Variants in NEK11 observed in about 807,000 individuals in gnomAD.
The protein encoded by NEK11 is serine/threonine-protein kinase Nek11.
NEK11 carries 72 observed loss-of-function variants against 80.7 expected under a neutral mutation model. The ratio of observed to expected loss-of-function variants is 0.89; its 90% CI spans 0.74 to 1.08. The LOEUF is 1.08. NEK11 is among the 50% of genes least tolerant of loss of function. The probability of loss-of-function intolerance (pLI) is 0.00; values close to 1 mark genes in which losing one functional copy is unlikely to be tolerated. For synonymous variants in NEK11, 251 were observed against 260.7 expected, an observed-to-expected ratio of 0.96 and a Z score of 0.36; for missense variants, 764 against 763.6, an observed-to-expected ratio of 1.00 and a Z score of -0.01.
chr3:131,138,559 T>G (rs537157583), intron 7 of NEK11, among the ~76,000 whole-genome samples: 108 of 151,984 alleles, frequency 7.1e-4, no homozygotes, highest in African/African-American at 2.3e-3. Flanking sequence ...GGGCCTTGAG[T>G]GAACATAGGT....
chr3:131,060,481 A>G (rs2070656344), intron 3 of NEK11, among the ~76,000 whole-genome samples: 1 of 152,220 alleles, frequency 6.6e-6, no homozygotes, highest in Non-Finnish European at 1.5e-5. Context: ...GGTGTGTTTC[A>G]CATTCACTCT....
At chr3:131,335,197 G>T (rs1197625380) in intron 17 of NEK11, among the ~76,000 whole-genome samples, 1 of 152,222 alleles carries the variant, frequency 6.6e-6, no homozygotes, top group Admixed American at 6.5e-5. Context: ...TATCCTTGAT[G>T]AACATTGATG....
At chr3:131,124,088 G>A (rs541830141) in intron 5 of NEK11, among the ~76,000 whole-genome samples, 43 of 152,160 alleles carry the variant, frequency 2.8e-4, no homozygotes, top group African/African-American at 7.2e-5. Context: ...CACGTATCCC[G>A]CCTTCACACA....
At chr3:131,066,074 T>A (rs970314298) in intron 3 of NEK11, among the ~76,000 whole-genome samples, 5 of 152,222 alleles carry the variant, frequency 3.3e-5, no homozygotes, top group Non-Finnish European at 5.9e-5. Flanking sequence ...CTCTTTGACA[T>A]GTTAACATGG....
intron 3 of NEK11, among the ~76,000 whole-genome samples, chr3:131,067,570 A>G (rs1273854871): frequency 6.6e-6 from 1 of 152,210 alleles, no homozygotes; most frequent in Non-Finnish European, 1.5e-5. Flanking sequence ...TAATAATAAA[A>G]ATACCTTTCA....
intron 16 of NEK11, among the ~76,000 whole-genome samples, chr3:131,253,540 C>A (rs1005117463): frequency 6.6e-6 from 1 of 152,120 alleles, no homozygotes; most frequent in Non-Finnish European, 1.5e-5. Context: ...GATTTCCTTT[C>A]CTCTTCTTCC....
chr3:131,146,847 G>A (rs1293781363), intron 7 of NEK11, among the ~76,000 whole-genome samples: 3 of 151,870 alleles, frequency 2.0e-5, no homozygotes, highest in Non-Finnish European at 4.4e-5. Context: ...TTTAGCGTCC[G>A]TTCAAGTCTT....
chr3:131,194,554 T>G (rs1358299938), intron 14 of NEK11, among the ~76,000 whole-genome samples: 1 of 152,054 alleles, frequency 6.6e-6, no homozygotes, highest in Non-Finnish European at 1.5e-5. Flanking sequence ...CATTTTCATT[T>G]TTTGAGTGAA....
chr3:131,110,610 G>T (rs746054912), intron 5 of NEK11, among the ~76,000 whole-genome samples: 13 of 152,066 alleles, frequency 8.5e-5, no homozygotes, highest in Non-Finnish European at 1.8e-4. Context: ...CGTTTGAAAA[G>T]ATGAACATAC....
At chr3:131,244,431 A>C (rs919344650) in intron 16 of NEK11, among the ~76,000 whole-genome samples, 1 of 152,100 alleles carries the variant, frequency 6.6e-6, no homozygotes, top group Non-Finnish European at 1.5e-5. Flanking sequence ...GCATGACTTA[A>C]GACCAGGAAG....
At position 131,207,959 on chromosome 3, in the gene NEK11, C is replaced by G. The variant is rs996706363; in HGVS notation, c.1400-20569C>G. On this transcript the variant is annotated intron_variant, in intron 14 of 17. Transcript: ENST00000383366. ...TGGTTTCTTTTGCTGTGCAGAAGCT[C>G]TTTAGTTTAATTCGATCCCATTTGT... 6.6e-5 allele frequency among the ~76,000 whole-genome samples: 10 copies of G among 152,308 alleles called. No homozygotes were observed. The East Asian group carries it at 1.3e-3, about 21-fold the overall frequency.
At chr3:131,122,775 C>T (rs1443099376) in intron 5 of NEK11, among the ~76,000 whole-genome samples, 3 of 152,210 alleles carry the variant, frequency 2.0e-5, no homozygotes, top group Non-Finnish European at 2.9e-5. Context: ...AATGCCTGCC[C>T]TCTGTACCTC....
chr3:131,111,810 T>C (rs2080181188), intron 5 of NEK11, among the ~76,000 whole-genome samples: 2 of 152,182 alleles, frequency 1.3e-5, no homozygotes, highest in African/African-American at 4.8e-5. Flanking sequence ...GTAGAAAATA[T>C]GCATTCAGAT....
At chr3:131,259,798 A>G (rs2108453455) in intron 16 of NEK11, among the ~76,000 whole-genome samples, 1 of 152,286 alleles carries the variant, frequency 6.6e-6, no homozygotes, top group African/African-American at 2.4e-5. Context: ...AATTTCCTGA[A>G]GGGGCCACAG....
At chr3:131,226,698 G>A (rs556688879) in intron 14 of NEK11, among the ~76,000 whole-genome samples, 4 of 152,132 alleles carry the variant, frequency 2.6e-5, no homozygotes, top group Non-Finnish European at 5.9e-5. Context: ...TGGGAGGGAG[G>A]TAAGGGATAA....
intron 17 of NEK11, among the ~76,000 whole-genome samples, chr3:131,291,152 T>C (rs1041747974): frequency 2.0e-5 from 3 of 152,120 alleles, no homozygotes; most frequent in Non-Finnish European, 4.4e-5. Context: ...CAGTTTTGCC[T>C]TTTCTGGAAT....
At chr3:131,336,324 A>G (rs916872052) in intron 17 of NEK11, among the ~76,000 whole-genome samples, 6 of 152,218 alleles carry the variant, frequency 3.9e-5, no homozygotes, top group African/African-American at 1.4e-4. Context: ...CATTTCTACA[A>G]CTATCTGATC....
intron 4 of NEK11, among the ~76,000 whole-genome samples, chr3:131,093,286 C>T (rs2076978980): frequency 6.6e-6 from 1 of 152,182 alleles, no homozygotes; most frequent in African/African-American, 2.4e-5. Flanking sequence ...AAACTGTCAA[C>T]TTATCTTTCT....
At chr3:131,334,955 T>G (rs1561598699) in intron 17 of NEK11, among the ~76,000 whole-genome samples, 2 of 152,090 alleles carry the variant, frequency 1.3e-5, no homozygotes, top group Admixed American at 6.5e-5. Context: ...AATAACAGGA[T>G]CTGAAATTGT....
Sources: gnomAD v4.1 joint callset for allele counts (sites outside exome capture counted in the v4.1 genomes callset) on GRCh38, gnomAD v4.1.1 for gene constraint, MANE v1.5 for transcripts, NCBI Gene and HGNC (gene_info 2026-07-23, HGNC 2026-07-21) for gene names.